Variants in ROBO2 observed in about 807,000 individuals in gnomAD.
ROBO2 encodes the protein roundabout homolog 2.
Under a neutral mutation model 160.8 loss-of-function variants are expected in ROBO2, and 53 were observed. That is an observed-to-expected ratio of 0.33 (90% CI 0.26 to 0.41). The LOEUF is 0.41. Among genes scored for constraint, ROBO2 ranks in the 10% least tolerant of loss-of-function variants. The pLI, the probability that ROBO2 is intolerant of heterozygous loss-of-function variation, is 1.00. For missense variants in ROBO2, 1,577 were observed against 1,722.4 expected (o/e 0.92, Z 1.49); for synonymous variants, 664 against 611.7 (o/e 1.09, Z -1.26).
chr3:76,798,245 GAAGA>G (rs1161908371), intron 2 of ROBO2, among the ~76,000 whole-genome samples: 4 of 50,242 alleles, frequency 8.0e-5, no homozygotes, highest in African/African-American at 2.8e-4. Context: ...AAGAAAAAAA[GAAGA>G]AAGAAAGAAG....
At chr3:77,423,016 A>G (rs1274533221) in intron 2 of ROBO2, among the ~76,000 whole-genome samples, 3 of 152,184 alleles carry the variant, frequency 2.0e-5, no homozygotes, top group African/African-American at 4.8e-5. Context: ...GAGTTATACA[A>G]TCTAGAAGTT....
At chr3:76,978,938 G>GC (rs1553713968) in intron 2 of ROBO2, among the ~76,000 whole-genome samples, 3 of 132,190 alleles carry the variant, frequency 2.3e-5, no homozygotes, top group Non-Finnish European at 4.9e-5. Context: ...TTGTTTGTTT[G>GC]TTTTTTAAAA....
intron 2 of ROBO2, among the ~76,000 whole-genome samples, chr3:77,232,942 T>C (rs1277097960): frequency 6.6e-6 from 1 of 152,210 alleles, no homozygotes; most frequent in Non-Finnish European, 1.5e-5. Context: ...TTTCATTTAA[T>C]GTGAACAATG....
intron 2 of ROBO2, among the ~76,000 whole-genome samples, chr3:76,956,553 T>C (rs1341152877): frequency 1.6e-5 from 2 of 122,090 alleles, no homozygotes; most frequent in Admixed American, 1.6e-4. Context: ...CGAGACTCTG[T>C]CTCAAAAAAA....
At chr3:77,317,076 A>G in intron 2 of ROBO2, 1 of 1,429,208 alleles carries the variant, frequency 7.0e-7, no homozygotes, top group Non-Finnish European at 9.9e-7. Flanking sequence ...GCTGGAATTC[A>G]TCAGTCCTGT....
intron 2 of ROBO2, among the ~76,000 whole-genome samples, chr3:76,124,612 A>G (rs1388047477): frequency 6.6e-6 from 1 of 152,116 alleles, no homozygotes; most frequent in Admixed American, 6.5e-5. Context: ...TTTAATAAGT[A>G]GTATTAATGT....
At chr3:76,772,260 G>C (rs958391693) in intron 2 of ROBO2, among the ~76,000 whole-genome samples, 1 of 151,078 alleles carries the variant, frequency 6.6e-6, no homozygotes. Context: ...CAGAATCATA[G>C]TGGTATCTAG....
Position 76,525,880 on chromosome 3 carries a change from G to GA in ROBO2, c.110-572127dup, listed in dbSNP as rs376898806. Among the ~76,000 whole-genome samples the GA allele has an allele frequency of 2.1e-3, 314 of 151,908 alleles. 1 individual carries two copies. Among genetic ancestry groups the GA allele is most frequent in the African/African-American group, 6.9e-3 (285 of 41,464 alleles). On this transcript the variant is annotated intron_variant, in intron 2 of 26. Transcript: ENST00000487694. ...CTCATAAAGTAGACACTTTACCGCA[G>GA]AAAAAAATATATATAGTAGGATTCC...
At chr3:76,130,953 T>C (rs1020416475) in intron 2 of ROBO2, among the ~76,000 whole-genome samples, 4 of 152,132 alleles carry the variant, frequency 2.6e-5, no homozygotes, top group African/African-American at 9.7e-5. Flanking sequence ...CCCCAGCACA[T>C]TCAGTGATGG....
chr3:76,916,446 AT>A (rs1341819213), intron 2 of ROBO2, among the ~76,000 whole-genome samples: 1 of 151,906 alleles, frequency 6.6e-6, no homozygotes. Flanking sequence ...GGCTCAGGCA[AT>A]CCTCCCACTT....
intron 2 of ROBO2, among the ~76,000 whole-genome samples, chr3:76,752,327 T>C (rs914615614): frequency 2.0e-5 from 3 of 151,456 alleles, no homozygotes; most frequent in Non-Finnish European, 4.4e-5. Flanking sequence ...TTAGGAGATA[T>C]ACCTAATGTT....
chr3:77,494,839 A>G (rs2086589195), intron 5 of ROBO2, among the ~76,000 whole-genome samples: 1 of 152,260 alleles, frequency 6.6e-6, no homozygotes, highest in East Asian at 1.9e-4. Flanking sequence ...TATAATAGTT[A>G]CTGAGAGGTT....
rs950724265 is a variant in ROBO2, at chr3:77,229,526, T to C, written c.388+131186T>C. 2.0e-5 allele frequency among the ~76,000 whole-genome samples: 3 copies of C among 151,630 alleles called. No individual in the cohort carries two copies. The South Asian group carries it at 6.3e-4, about 32-fold the overall frequency. On this transcript the variant is annotated intron_variant, in intron 2 of 25. Coordinates refer to ENST00000461745, the Ensembl canonical transcript of ROBO2. ...TAAAAAAAAATATAGCCAGGTGTGG[T>C]GGTGGGCTCTTGTAATTCCAGCCAC...
chr3:76,440,884 TCATGTGGCATGTGG>T (rs11278651), intron 2 of ROBO2, among the ~76,000 whole-genome samples: 2 of 151,676 alleles, frequency 1.3e-5, no homozygotes, highest in South Asian at 2.1e-4. Flanking sequence ...AACACAAACT[TCATGTGGCATGTGG>T]CATGTGGCAT....
intron 2 of ROBO2, among the ~76,000 whole-genome samples, chr3:75,968,297 A>T (rs1949192100): frequency 6.6e-6 from 1 of 151,404 alleles, no homozygotes; most frequent in African/African-American, 2.4e-5. Flanking sequence ...ATGTCCCCTC[A>T]GGCTTTGCTG....
chr3:76,046,526 C>T (rs11917746), intron 2 of ROBO2, among the ~76,000 whole-genome samples: 88,941 of 151,634 alleles, frequency 0.59, 27,114 homozygotes, highest in African/African-American at 0.72. Context: ...GCAGCGCCTG[C>T]AGTCCCAGCT....
chr3:76,582,566 TA>T lies in ROBO2; in HGVS notation c.110-515441del, dbSNP rs952124764. On this transcript the variant is annotated intron_variant, in intron 2 of 26. Transcript: ENST00000487694. ...ACAAATCTAAAACAAATAGAAAAAT[TA>T]AAAAAACAAACAAACATACCAGAAC... Among the ~76,000 whole-genome samples the T allele has an allele frequency of 5.5e-4, 84 of 152,152 alleles. 1 individual carries two copies. The highest frequency in any genetic ancestry group is 2.9e-3 in the Admixed American group (45 of 15,286).
chr3:76,905,585 T>C (rs1183360380), intron 2 of ROBO2, among the ~76,000 whole-genome samples: 1 of 152,142 alleles, frequency 6.6e-6, no homozygotes, highest in Non-Finnish European at 1.5e-5. Context: ...TCTCCTTCAG[T>C]CCCTTTTCAC....
At chr3:77,122,308 T>C (rs1292981750) in intron 2 of ROBO2, among the ~76,000 whole-genome samples, 2 of 152,174 alleles carry the variant, frequency 1.3e-5, no homozygotes, top group Non-Finnish European at 2.9e-5. Context: ...AAATGTAGAC[T>C]CTTTGATTTG....
Sources: allele counts gnomAD v4.1 joint callset (sites outside exome capture counted in the v4.1 genomes callset), GRCh38; gene constraint gnomAD v4.1.1; transcripts MANE v1.5; gene names NCBI Gene and HGNC (gene_info 2026-07-23, HGNC 2026-07-21).